Variants in DLGAP2 observed in about 807,000 individuals in gnomAD.
The protein encoded by DLGAP2 is disks large-associated protein 2.
In DLGAP2, 26 loss-of-function variants were observed where a neutral mutation model predicts 100.3. The ratio of observed to expected loss-of-function variants is 0.26; its 90% CI spans 0.19 to 0.36. The LOEUF (loss-of-function observed/expected upper bound fraction) is 0.36, where lower values mean the gene tolerates loss of function less well. Ranked by LOEUF, DLGAP2 falls within the 10% of genes least tolerant of loss-of-function variation. The pLI is 1.00. For missense variants in DLGAP2, 1,858 were observed against 1,453.2 expected (o/e 1.28, Z -4.53); for synonymous variants, 886 against 630.1 (o/e 1.41, Z -6.08).
intron 1 of DLGAP2, among the ~76,000 whole-genome samples, chr8:832,411 C>T (rs181633405): frequency 6.6e-6 from 1 of 152,268 alleles, no homozygotes; most frequent in East Asian, 1.9e-4. Context: ...GGAAGTGATC[C>T]AGTTTCCAGC....
intron 3 of DLGAP2, among the ~76,000 whole-genome samples, chr8:1,492,780 T>G (rs1799428331): frequency 6.6e-6 from 1 of 152,118 alleles, no homozygotes; most frequent in Non-Finnish European, 1.5e-5. Context: ...TGAAGACCTG[T>G]GTGCTACCCA....
intron 1 of DLGAP2, among the ~76,000 whole-genome samples, chr8:862,936 T>G (rs1411926571): frequency 6.6e-6 from 1 of 152,222 alleles, no homozygotes; most frequent in South Asian, 2.1e-4. Flanking sequence ...ACTTTTCCAC[T>G]GCCACAGAGG....
intron 3 of DLGAP2, among the ~76,000 whole-genome samples, chr8:1,456,407 T>C (rs577803549): frequency 6.6e-6 from 1 of 152,290 alleles, no homozygotes; most frequent in African/African-American, 2.4e-5. Context: ...ATCAAAGCAT[T>C]TTCAAGGCAA....
chr8:1,266,769 G>C (rs766928245), intron 3 of DLGAP2, among the ~76,000 whole-genome samples: 10 of 152,094 alleles, frequency 6.6e-5, no homozygotes, highest in Non-Finnish European at 7.4e-5. Flanking sequence ...GTGTTTGTGT[G>C]TGTGTTTTAT....
chr8:1,640,415 G>A (rs1168969427), intron 8 of DLGAP2, among the ~76,000 whole-genome samples: 2 of 152,204 alleles, frequency 1.3e-5, no homozygotes, highest in Non-Finnish European at 2.9e-5. Flanking sequence ...GCACAGCGTA[G>A]TCCAAATGCC....
At chr8:982,170 C>T (rs1352178002) in intron 2 of DLGAP2, among the ~76,000 whole-genome samples, 1 of 152,226 alleles carries the variant, frequency 6.6e-6, no homozygotes, top group Non-Finnish European at 1.5e-5. Flanking sequence ...TATAACTCCA[C>T]TGTGTCTCAG....
chr8:911,780 A>G (rs1348219644), intron 2 of DLGAP2, among the ~76,000 whole-genome samples: 2 of 152,080 alleles, frequency 1.3e-5, no homozygotes, highest in Non-Finnish European at 2.9e-5. Context: ...GAATGTTGGA[A>G]GGATATGTGT....
At chr8:1,188,347 C>T (rs1413981474) in intron 2 of DLGAP2, among the ~76,000 whole-genome samples, 1 of 142,418 alleles carries the variant, frequency 7.0e-6, no homozygotes, top group Admixed American at 6.9e-5. Context: ...TCTCACACAC[C>T]CGGGACCTCC....
Position 765,931 on chromosome 8 carries a change from G to A in DLGAP2, c.18+28106G>A, listed in dbSNP as rs552630370. 1.2e-4 allele frequency among the ~76,000 whole-genome samples: 19 copies of A among 152,314 alleles called. No individual in the cohort carries two copies. In the South Asian group the frequency reaches 3.7e-3, roughly 30 times the overall value. On this transcript the variant is annotated intron_variant, in intron 1 of 14. Coordinates refer to ENST00000637795, the MANE Select transcript of DLGAP2 (RefSeq NM_001346810.2). ...CGCCTGTAATCCCAGTACTTTGGGA[G>A]GCTGATGCAGACACATCACAAGGTC...
At chr8:1,407,569 A>G (rs1251499947) in intron 3 of DLGAP2, among the ~76,000 whole-genome samples, 35 of 84,720 alleles carry the variant, frequency 4.1e-4, no homozygotes, top group Admixed American at 8.0e-4. Context: ...CATCCTCCAG[A>G]GTCGTGTATT....
At chr8:1,310,207 GAAATC>G (rs1359266480) in intron 3 of DLGAP2, among the ~76,000 whole-genome samples, 1 of 151,724 alleles carries the variant, frequency 6.6e-6, no homozygotes, top group African/African-American at 2.4e-5. Flanking sequence ...AAATAAAAGG[GAAATC>G]AAAACAGTTA....
intron 3 of DLGAP2, among the ~76,000 whole-genome samples, chr8:1,466,449 TG>T (rs1798628693): frequency 6.6e-6 from 1 of 151,582 alleles, no homozygotes; most frequent in Non-Finnish European, 1.5e-5. Flanking sequence ...GGAGACACGG[TG>T]GCTCAAAAGG....
At position 947,012 on chromosome 8, in the gene DLGAP2, C is replaced by T. The variant is rs117633505; in HGVS notation, c.73+39046C>T. ...CCTGCTGGACACCGGTGGCTGCACT[C>T]GGCTGCACCTGCGGCTGGAACGGCT... On this transcript the variant is annotated intron_variant, in intron 2 of 14. Coordinates refer to ENST00000637795, the MANE Select transcript of DLGAP2 (RefSeq NM_001346810.2). 7.6e-3 allele frequency among the ~76,000 whole-genome samples: 1,151 copies of T among 152,280 alleles called. 4 individuals are homozygous for T. The highest frequency in any genetic ancestry group is 0.048 in the Middle Eastern group (14 of 294).
chr8:928,294 G>A (rs886594595), intron 2 of DLGAP2, among the ~76,000 whole-genome samples: 9 of 151,974 alleles, frequency 5.9e-5, no homozygotes, highest in East Asian at 1.9e-4. Context: ...GAGGTTGAGT[G>A]TGTGTTCACT....
At chr8:1,146,546 T>C (rs1796609233) in intron 2 of DLGAP2, among the ~76,000 whole-genome samples, 1 of 151,896 alleles carries the variant, frequency 6.6e-6, no homozygotes, top group Non-Finnish European at 1.5e-5. Context: ...CTGTAATATC[T>C]CTGGAACTGT....
chr8:1,539,507 G>T (rs562339041), intron 4 of DLGAP2, among the ~76,000 whole-genome samples: 1 of 152,158 alleles, frequency 6.6e-6, no homozygotes. Context: ...TGTGCCTGGA[G>T]CCAGAAGCGC....
chr8:1,185,452 G>C (rs1279170818), intron 2 of DLGAP2, among the ~76,000 whole-genome samples: 1 of 152,096 alleles, frequency 6.6e-6, no homozygotes, highest in Non-Finnish European at 1.5e-5. Flanking sequence ...AATGGTTTAA[G>C]ATGCAAGTAG....
intron 6 of DLGAP2, among the ~76,000 whole-genome samples, chr8:1,609,850 T>G (rs1796937705): frequency 1.4e-5 from 2 of 148,134 alleles, no homozygotes; most frequent in African/African-American, 5.0e-5. Context: ...ATCCTAAATA[T>G]ATATGCACCC....
At chr8:902,408 G>T (rs966574279) in intron 1 of DLGAP2, among the ~76,000 whole-genome samples, 1 of 150,386 alleles carries the variant, frequency 6.6e-6, no homozygotes, top group Non-Finnish European at 1.5e-5. Context: ...AAGGAGTCAC[G>T]GTGTGCAGTT....
Sources: allele counts gnomAD v4.1 joint callset (sites outside exome capture counted in the v4.1 genomes callset), GRCh38; gene constraint gnomAD v4.1.1; transcripts MANE v1.5; gene names NCBI Gene and HGNC (gene_info 2026-07-23, HGNC 2026-07-21).